KLHL32: variants seen among roughly 807,000 people sequenced by gnomAD.
KLHL32 encodes the protein kelch like family member 32.
In KLHL32, 35 loss-of-function variants were observed where a neutral mutation model predicts 64.8. The observed-to-expected ratio is 0.54, with a 90% CI of 0.41 to 0.72. The LOEUF is 0.72. KLHL32 is among the 30% of genes least tolerant of loss of function. The probability of loss-of-function intolerance (pLI) is 0.00; values close to 1 mark genes in which losing one functional copy is unlikely to be tolerated. For missense variants in KLHL32, 589 were observed against 768.5 expected, an observed-to-expected ratio of 0.77 and a Z score of 2.76; for synonymous variants, 259 against 281.0, an observed-to-expected ratio of 0.92 and a Z score of 0.78.
Position 97,085,212 on chromosome 6 carries a change from C to T in KLHL32, c.498C>T (p.Phe166=), listed in dbSNP as rs1267889251. 1 of 1,614,084 alleles carries T rather than the reference C, an allele frequency of 6.2e-7. No individual in the cohort carries two copies. The highest frequency in any genetic ancestry group is 2.2e-5 in the East Asian group (1 of 44,886). ...TGTTGGAGAAGGCAGTGATCGATTT[C>T]TTAGTGAAACATCTCTCTGAACTCC... ...LTLLEKAVID[F]LVKHLSELLK... The change falls in exon 6 of 11, where the codon TTC becomes TTT. Residue 166 remains phenylalanine, a synonymous_variant. Coordinates refer to ENST00000369261, the MANE Select transcript of KLHL32 (RefSeq NM_052904.4).
intron 6 of KLHL32, chr6:97,105,407 C>T (rs1267413812): frequency 6.4e-6 from 3 of 470,296 alleles, no homozygotes; most frequent in Non-Finnish European, 1.3e-5. Context: ...TTGACTTGCT[C>T]CTGTGCCCTT....
rs547102649 is a variant in KLHL32 at position 97,063,809 on chromosome 6, A to G, written c.313-819A>G. On this transcript the variant is annotated intron_variant, in intron 4 of 10. Transcript: ENST00000369261. ...ATTCAGGAAGCACTGGGCTGGGGAAATGGGTTAGAATGGAGGGCTGGGGCA... is the reference window on the plus strand; with the variant it reads ...ATTCAGGAAGCACTGGGCTGGGGAAGTGGGTTAGAATGGAGGGCTGGGGCA... Among the ~76,000 whole-genome samples the G allele has an allele frequency of 5.3e-5, 8 of 152,306 alleles. No homozygotes were observed. In the South Asian group the frequency reaches 1.7e-3, roughly 32 times the overall value.
intron 7 of KLHL32, among the ~76,000 whole-genome samples, chr6:97,123,742 C>G (rs933633318): frequency 2.0e-5 from 3 of 152,022 alleles, no homozygotes; most frequent in Non-Finnish European, 4.4e-5. Context: ...AAAATATACT[C>G]GATAGAGGAA....
rs879144649 is a variant in KLHL32, at chr6:96,924,801, G to GCGCACACACACACA, written c.-290_-289insGCACACACACACAC. Reference sequence around the variant, plus strand: ...CAGTCGCGCGCACACACGCACGCAGGCACACACACACACACACACACACAC... The same window carrying GCGCACACACACACA: ...CAGTCGCGCGCACACACGCACGCAGGCGCACACACACACACACACACACACACACACACACACAC... On this transcript the variant is annotated 5_prime_UTR_variant, in exon 1 of 11. Coordinates refer to ENST00000369261, the MANE Select transcript of KLHL32 (RefSeq NM_052904.4). 4 of 148,908 alleles carry GCGCACACACACACA rather than the reference G, an allele frequency of 2.7e-5. No homozygotes were observed. Among genetic ancestry groups the GCGCACACACACACA allele is most frequent in the Non-Finnish European group, 4.5e-5 (3 of 67,172 alleles). The allele number at this position is 148,908 out of a possible 1,614,324, so 9.2% of individuals were successfully genotyped here. A position where few individuals can be genotyped will look rare whatever the true frequency, so the allele number is the denominator to read the frequency against.
chr6:96,997,757 A>G (rs1014773626), intron 3 of KLHL32, among the ~76,000 whole-genome samples: 1 of 152,108 alleles, frequency 6.6e-6, no homozygotes, highest in African/African-American at 2.4e-5. Context: ...AAAAAAAACC[A>G]TACAAGAGAT....
At chr6:97,094,097 G>C (rs1181427806) in intron 6 of KLHL32, among the ~76,000 whole-genome samples, 1 of 152,190 alleles carries the variant, frequency 6.6e-6, no homozygotes, top group Admixed American at 6.5e-5. Context: ...GTTCAAGAGA[G>C]AGGGTGAAAG....
the KLHL32 span, among the ~76,000 whole-genome samples, chr6:96,899,813 G>A: frequency 6.6e-6 from 1 of 152,218 alleles, no homozygotes. Flanking sequence ...CTTATGTTAA[G>A]GATTGAAGTC....
At chr6:96,968,891 C>A (rs1363868684) in intron 2 of KLHL32, among the ~76,000 whole-genome samples, 1 of 152,168 alleles carries the variant, frequency 6.6e-6, no homozygotes, top group African/African-American at 2.4e-5. Context: ...GAGAGAGTGT[C>A]ATCCTCCTAG....
At chr6:96,950,502 A>C (rs1440168500) in intron 1 of KLHL32, among the ~76,000 whole-genome samples, 1 of 99,228 alleles carries the variant, frequency 1.0e-5, no homozygotes, top group East Asian at 2.0e-4. Context: ...TGTCACGTTA[A>C]AAAAAAAAAA....
intron 3 of KLHL32, among the ~76,000 whole-genome samples, chr6:97,020,885 G>T (rs938594464): frequency 6.6e-6 from 1 of 150,620 alleles, no homozygotes; most frequent in African/African-American, 2.5e-5. Context: ...GACTGACCCA[G>T]GTTCAGTCCT....
At chr6:96,954,399 G>T (rs185457653) in intron 1 of KLHL32, among the ~76,000 whole-genome samples, 35 of 134,872 alleles carry the variant, frequency 2.6e-4, no homozygotes, top group Admixed American at 2.5e-3. Context: ...ATATTAAAGA[G>T]AAAAAAAACT....
At chr6:97,059,987 T>C (rs563458692) in intron 4 of KLHL32, among the ~76,000 whole-genome samples, 2 of 152,330 alleles carry the variant, frequency 1.3e-5, no homozygotes, top group African/African-American at 4.8e-5. Context: ...ACCACTCTAA[T>C]TTGCAGTTGT....
intron 3 of KLHL32, among the ~76,000 whole-genome samples, chr6:96,980,762 A>G (rs1411110701): frequency 6.6e-6 from 1 of 152,172 alleles, no homozygotes; most frequent in Admixed American, 6.6e-5. Context: ...TATATCTGGT[A>G]GAAGTCAGCT....
At chr6:96,948,016 G>A (rs933665971) in intron 1 of KLHL32, among the ~76,000 whole-genome samples, 16 of 152,160 alleles carry the variant, frequency 1.1e-4, no homozygotes, top group Non-Finnish European at 2.2e-4. Context: ...GGTTTGGCTA[G>A]ATGCCTTTCT....
At chr6:97,078,993 A>G (rs1474629464) in intron 5 of KLHL32, among the ~76,000 whole-genome samples, 1 of 152,202 alleles carries the variant, frequency 6.6e-6, no homozygotes, top group South Asian at 2.1e-4. Context: ...TCATTGGCAC[A>G]CAAGACACAG....
chr6:97,093,419 A>G (rs1794541838), intron 6 of KLHL32, among the ~76,000 whole-genome samples: 1 of 152,232 alleles, frequency 6.6e-6, no homozygotes, highest in Non-Finnish European at 1.5e-5. Flanking sequence ...CAGAAGTTCA[A>G]TAGTTGACTC....
intron 6 of KLHL32, among the ~76,000 whole-genome samples, chr6:97,106,590 A>G (rs1313765594): frequency 6.6e-6 from 1 of 152,114 alleles, no homozygotes; most frequent in African/African-American, 2.4e-5. Context: ...TAAAAATACA[A>G]AAAATAGCTG....
chr6:96,962,587 A>G (rs1226977578), intron 1 of KLHL32, among the ~76,000 whole-genome samples: 1 of 152,210 alleles, frequency 6.6e-6, no homozygotes, highest in Non-Finnish European at 1.5e-5. Context: ...AAAAAGTGAA[A>G]CAAAAGAAAA....
intron 3 of KLHL32, among the ~76,000 whole-genome samples, chr6:97,020,630 G>A (rs1248404194): frequency 6.6e-6 from 1 of 150,910 alleles, no homozygotes; most frequent in Non-Finnish European, 1.5e-5. Context: ...CTAGCATAAT[G>A]AGAACCATAT....
Sources: allele counts gnomAD v4.1 joint callset (sites outside exome capture counted in the v4.1 genomes callset), GRCh38; gene constraint gnomAD v4.1.1; transcripts MANE v1.5; gene names NCBI Gene and HGNC (gene_info 2026-07-23, HGNC 2026-07-21).